Variants in BTC observed in about 807,000 individuals in gnomAD.
BTC encodes the protein betacellulin.
Under a neutral mutation model 18.1 loss-of-function variants are expected in BTC, and 13 were observed. The ratio of observed to expected loss-of-function variants is 0.72; its 90% CI spans 0.47 to 1.14. The LOEUF (loss-of-function observed/expected upper bound fraction) is 1.14, where lower values mean the gene tolerates loss of function less well. Among genes scored for constraint, BTC ranks in the 50% most tolerant of loss-of-function variants. BTC has a pLI of 0.00. For missense variants in BTC, 247 were observed against 224.2 expected, an observed-to-expected ratio of 1.10 and a Z score of -0.65; for synonymous variants, 83 against 79.4, an observed-to-expected ratio of 1.05 and a Z score of -0.24.
chr4:74,772,130 G>A (rs1051164361), intron 1 of BTC, among the ~76,000 whole-genome samples: 1 of 152,142 alleles, frequency 6.6e-6, no homozygotes, highest in Non-Finnish European at 1.5e-5. Flanking sequence ...TATCCATATA[G>A]TCAAAAGGTG....
intron 5 of BTC, among the ~76,000 whole-genome samples, chr4:74,747,769 T>C (rs1398384860): frequency 6.6e-6 from 1 of 152,178 alleles, no homozygotes; most frequent in Non-Finnish European, 1.5e-5. Flanking sequence ...ACCTCTTTCC[T>C]GTGCCCAAAA....
chr4:74,775,600 T>C (rs182417580), intron 1 of BTC, among the ~76,000 whole-genome samples: 3 of 152,328 alleles, frequency 2.0e-5, no homozygotes, highest in East Asian at 1.9e-4. Flanking sequence ...GAAATTTCAA[T>C]CTCTTCCGAA....
chr4:74,771,698 C>T (rs1165092798), intron 1 of BTC, among the ~76,000 whole-genome samples: 1 of 152,150 alleles, frequency 6.6e-6, no homozygotes, highest in Non-Finnish European at 1.5e-5. Flanking sequence ...GAAATGGAAA[C>T]TCAAATCCAC....
intron 1 of BTC, among the ~76,000 whole-genome samples, chr4:74,778,179 C>T (rs1198926650): frequency 6.6e-6 from 1 of 152,012 alleles, no homozygotes; most frequent in Non-Finnish European, 1.5e-5. Flanking sequence ...TGTCTTTTGC[C>T]CTCCTTTAAT....
chr4:74,757,107 G>A (rs1042895693), intron 2 of BTC, among the ~76,000 whole-genome samples: 1 of 152,188 alleles, frequency 6.6e-6, no homozygotes, highest in African/African-American at 2.4e-5. Context: ...GAGGACCATG[G>A]TGTGTTCATG....
At chr4:74,789,255 T>C (rs1164166959) in intron 1 of BTC, among the ~76,000 whole-genome samples, 1 of 152,230 alleles carries the variant, frequency 6.6e-6, no homozygotes, top group Non-Finnish European at 1.5e-5. Flanking sequence ...ATTTTCCTTT[T>C]GCTTGCCTCC....
At chr4:74,791,612 C>T (rs551556467) in intron 1 of BTC, among the ~76,000 whole-genome samples, 2 of 152,150 alleles carry the variant, frequency 1.3e-5, no homozygotes, top group East Asian at 3.9e-4. Context: ...TATCTCCAAC[C>T]CCACTTCTGT....
intron 3 of BTC, among the ~76,000 whole-genome samples, chr4:74,752,469 C>T (rs1270112058): frequency 2.0e-5 from 3 of 149,990 alleles, no homozygotes; most frequent in African/African-American, 7.4e-5. Flanking sequence ...ACCTCCGTCT[C>T]CCGGGTTCAA....
chr4:74,792,692 C>T (rs1325966396), intron 1 of BTC, among the ~76,000 whole-genome samples: 6 of 152,240 alleles, frequency 3.9e-5, no homozygotes, highest in Non-Finnish European at 5.9e-5. Flanking sequence ...TCATTCGCAT[C>T]GCCAACCCTT....
chr4:74,762,461 ATAG>A (rs1724786315), intron 2 of BTC, among the ~76,000 whole-genome samples: 2 of 152,318 alleles, frequency 1.3e-5, no homozygotes, highest in Admixed American at 1.3e-4. Flanking sequence ...TCCTTGGCAC[ATAG>A]TAGGAGATAA....
At chr4:74,748,267 G>A (rs1724345777) in intron 4 of BTC, 118 bp from the exon 5 acceptor site, 3 of 601,682 alleles carry the variant, frequency 5.0e-6, no homozygotes, top group Non-Finnish European at 8.2e-6. Flanking sequence ...TAGGGTTCTA[G>A]GCCGGGCGCA....
chr4:74,774,750 C>T (rs1013727164), intron 1 of BTC, among the ~76,000 whole-genome samples: 8 of 152,030 alleles, frequency 5.3e-5, no homozygotes, highest in Non-Finnish European at 4.4e-5. Context: ...GGTCTCAATG[C>T]CATGTTGATT....
chr4:74,755,776 G>T, intron 3 of BTC, 83 bp downstream of exon 3: 2 of 1,291,646 alleles, frequency 1.5e-6, no homozygotes, highest in Non-Finnish European at 2.2e-6. Context: ...GGCATGGTTA[G>T]CTCACACTTT....
At chr4:74,760,958 T>G (rs1262192492) in intron 2 of BTC, among the ~76,000 whole-genome samples, 2 of 152,030 alleles carry the variant, frequency 1.3e-5, no homozygotes, top group Non-Finnish European at 2.9e-5. Context: ...ATGGTCTTGA[T>G]CTCCTGACTT....
chr4:74,749,537 T>C (rs528050090), intron 4 of BTC, among the ~76,000 whole-genome samples: 7 of 149,782 alleles, frequency 4.7e-5, no homozygotes, highest in Admixed American at 6.6e-5. Context: ...CCCTCTACCG[T>C]AGTGCTTTTT....
At chr4:74,766,120 C>T (rs1271871077) in intron 2 of BTC, among the ~76,000 whole-genome samples, 1 of 151,946 alleles carries the variant, frequency 6.6e-6, no homozygotes, top group African/African-American at 2.4e-5. Flanking sequence ...GTATAAGGCA[C>T]TTACTATGAA....
intron 4 of BTC, among the ~76,000 whole-genome samples, chr4:74,748,539 A>AC (rs1408160814): frequency 6.6e-6 from 1 of 152,148 alleles, no homozygotes; most frequent in African/African-American, 2.4e-5. Context: ...CCGTCACAAA[A>AC]AAAAAAAATT....
intron 2 of BTC, 131 bp downstream of exon 2, chr4:74,769,927 A>T: frequency 1.5e-6 from 1 of 653,822 alleles, no homozygotes; most frequent in Non-Finnish European, 2.5e-6. Context: ...GTGATTAATT[A>T]CTGTATATAA....
At position 74,770,165 on chromosome 4, in the gene BTC, T is replaced by C; in HGVS notation, c.65-9A>G. 1 of 1,593,772 alleles carries C rather than the reference T, an allele frequency of 6.3e-7. No individual in the cohort carries two copies. The highest frequency in any genetic ancestry group is 8.5e-7 in the Non-Finnish European group (1 of 1,172,500). Reference sequence around the variant, plus strand: ...GTGAAGGATCACTAGACCTTCAAATTCAAAACAGAACCAAAATCAAACATG... The same window carrying C: ...GTGAAGGATCACTAGACCTTCAAATCCAAAACAGAACCAAAATCAAACATG... On this transcript the variant is annotated splice_polypyrimidine_tract_variant and intron_variant, in intron 1 of 5. Coordinates refer to ENST00000395743, the MANE Select transcript of BTC (RefSeq NM_001729.4).
Sources: allele counts gnomAD v4.1 joint callset (sites outside exome capture counted in the v4.1 genomes callset), GRCh38; gene constraint gnomAD v4.1.1; transcripts MANE v1.5; gene names NCBI Gene and HGNC (gene_info 2026-07-23, HGNC 2026-07-21).